HS6ST2: variants seen among roughly 807,000 people sequenced by gnomAD.
HS6ST2 encodes heparan-sulfate 6-O-sulfotransferase 2.
In HS6ST2, 17 loss-of-function variants were observed where a neutral mutation model predicts 33.0. The observed-to-expected ratio is 0.52, with a 90% CI of 0.35 to 0.77. HS6ST2 has a LOEUF of 0.77. Among genes scored for constraint, HS6ST2 ranks in the 30% least tolerant of loss-of-function variants. HS6ST2 has a pLI of 0.01. For synonymous variants in HS6ST2, 248 were observed against 237.1 expected (o/e 1.05, Z -0.42); for missense variants, 519 against 551.7 (o/e 0.94, Z 0.59).
At chrX:132,876,789 A>C (rs1204866920) in intron 2 of HS6ST2, among the ~76,000 whole-genome samples, 1 of 111,597 alleles carries the variant, frequency 9.0e-6, no homozygotes, top group African/African-American at 3.3e-5. Context: ...TGGCAAAGAA[A>C]AATCACACTC....
intron 4 of HS6ST2, among the ~76,000 whole-genome samples, chrX:132,661,978 C>CAA (rs35743008): frequency 7.5e-5 from 8 of 107,265 alleles, no homozygotes; most frequent in South Asian, 4.1e-4. Context: ...AGTCTTATCT[C>CAA]AAAAAAAAGA....
chrX:132,799,793 G>A (rs1191088706), intron 2 of HS6ST2, among the ~76,000 whole-genome samples: 1 of 111,591 alleles, frequency 9.0e-6, no homozygotes, highest in Non-Finnish European at 1.9e-5. Flanking sequence ...AGAATGTGGG[G>A]ATAATATAAT....
At chrX:132,854,723 G>T (rs1476746898) in intron 2 of HS6ST2, among the ~76,000 whole-genome samples, 1 of 112,250 alleles carries the variant, frequency 8.9e-6, no homozygotes, top group Non-Finnish European at 1.9e-5. Flanking sequence ...ACTTTTAAAA[G>T]ATCTTTTAAG....
At position 132,808,996 on chromosome X, in the gene HS6ST2, G is replaced by T. The variant is rs566306856; in HGVS notation, c.948-100502C>A. On this transcript the variant is annotated intron_variant, in intron 2 of 4. Coordinates refer to ENST00000370833, the MANE Select transcript of HS6ST2 (RefSeq NM_001394073.1). The stretch of plus-strand genomic sequence containing the variant: ...GGCATTCATTTTTGTTTGTTTGTTT[G>T]TTTTTTGAGATGGAGTCTCACTCAC... 5.7e-3 allele frequency among the ~76,000 whole-genome samples: 638 copies of T among 111,969 alleles called. 2 individuals are homozygous for T. The highest frequency in any genetic ancestry group is 0.012 in the South Asian group (33 of 2,672).
At chrX:132,784,558 C>T (rs1395393804) in intron 2 of HS6ST2, among the ~76,000 whole-genome samples, 1 of 111,701 alleles carries the variant, frequency 9.0e-6, no homozygotes, top group Admixed American at 9.6e-5. Context: ...GATCTGCCCG[C>T]CTTGGCCTCC....
intron 4 of HS6ST2, among the ~76,000 whole-genome samples, chrX:132,665,751 T>A: frequency 2.1e-5 from 1 of 46,689 alleles, no homozygotes; most frequent in East Asian, 6.2e-4. Flanking sequence ...TGCACTGAAG[T>A]TTTTTTTTTT....
At chrX:132,717,955 T>C (rs1602606208) in intron 2 of HS6ST2, among the ~76,000 whole-genome samples, 1 of 109,762 alleles carries the variant, frequency 9.1e-6, no homozygotes, top group South Asian at 3.9e-4. Context: ...ACCAAAAAAA[T>C]ACCCAGTGCT....
chrX:132,823,750 C>T (rs959613426), intron 2 of HS6ST2, among the ~76,000 whole-genome samples: 11 of 103,108 alleles, frequency 1.1e-4, no homozygotes, highest in Admixed American at 2.1e-4. Context: ...ACTTAGGAGG[C>T]TGAGGCACAA....
chrX:132,887,462 A>G (rs2066263978), intron 2 of HS6ST2, among the ~76,000 whole-genome samples: 1 of 112,458 alleles, frequency 8.9e-6, no homozygotes, highest in Non-Finnish European at 1.9e-5. Flanking sequence ...GAACCACTGT[A>G]CATTCACTAG....
chrX:132,844,107 C>A (rs1333386874), intron 2 of HS6ST2, among the ~76,000 whole-genome samples: 1 of 112,208 alleles, frequency 8.9e-6, no homozygotes, highest in Non-Finnish European at 1.9e-5. Context: ...AATTGTTTAT[C>A]AGAATCCCTG....
chrX:132,886,783 C>T (rs1461542106), intron 2 of HS6ST2, among the ~76,000 whole-genome samples: 2 of 111,206 alleles, frequency 1.8e-5, no homozygotes, highest in Middle Eastern at 4.2e-3. Flanking sequence ...AGCATCAATA[C>T]AATTAATGCT....
rs1569474816 is a variant in HS6ST2, at chrX:132,628,413, T to G, written c.1748A>C (p.Gln583Pro). The change falls in exon 5 of 5, where the codon CAG becomes CCG. Residue 583 changes from glutamine (Q) to proline (P), a missense_variant. Physicochemically the swap from Gln to Pro is moderately conservative, Grantham distance 76. Coordinates refer to ENST00000370833, the MANE Select transcript of HS6ST2 (RefSeq NM_001394073.1). ...CGGATTTGGGTTCTGACTCTGATTC[T>G]GATTCGGATTCTGGCTCTGGCCCTG... ...QGQGQSQNPN[Q>P]NQSQNPNPNA... The G allele has an allele frequency of 5.0e-6, 6 of 1,201,095 alleles. No homozygotes were observed. The highest frequency in any genetic ancestry group is 1.8e-5 in the African/African-American group (1 of 56,797).
chrX:132,750,347 G>GAAAAAA (rs1156312851), intron 2 of HS6ST2, among the ~76,000 whole-genome samples: 1 of 56,399 alleles, frequency 1.8e-5, no homozygotes, highest in Non-Finnish European at 3.3e-5. Flanking sequence ...TGCCCATCAA[G>GAAAAAA]AAAAAAAAAA....
At chrX:132,784,587 G>A (rs1259509056) in intron 2 of HS6ST2, among the ~76,000 whole-genome samples, 1 of 112,020 alleles carries the variant, frequency 8.9e-6, no homozygotes. Flanking sequence ...TGGGATCACA[G>A]GTGTGAGCCT....
At chrX:132,844,146 T>C (rs1053062840) in intron 2 of HS6ST2, among the ~76,000 whole-genome samples, 1 of 111,672 alleles carries the variant, frequency 9.0e-6, no homozygotes, top group African/African-American at 3.3e-5. Flanking sequence ...TCTAGAGAGG[T>C]GGCTTTTAAC....
intron 2 of HS6ST2, among the ~76,000 whole-genome samples, chrX:132,759,976 G>T (rs896271822): frequency 4.5e-5 from 5 of 111,725 alleles, no homozygotes; most frequent in Non-Finnish European, 7.5e-5. Flanking sequence ...TATCCTCAAG[G>T]TCACATGGCT....
intron 4 of HS6ST2, among the ~76,000 whole-genome samples, chrX:132,638,366 A>G (rs2063577946): frequency 9.0e-6 from 1 of 111,213 alleles, no homozygotes; most frequent in Non-Finnish European, 1.9e-5. Context: ...GTAGTCCCCA[A>G]ACAGGAGTTT....
At chrX:132,715,012 A>G (rs2064261340) in intron 2 of HS6ST2, among the ~76,000 whole-genome samples, 1 of 112,325 alleles carries the variant, frequency 8.9e-6, no homozygotes, top group Non-Finnish European at 1.9e-5. Context: ...ATACAGGCAA[A>G]TAAGCCCCTC....
rs191499641 is a variant in HS6ST2, at chrX:132,943,139, G to A, written c.947+13669C>T. On this transcript the variant is annotated intron_variant, in intron 2 of 4. Coordinates refer to ENST00000370833, the MANE Select transcript of HS6ST2 (RefSeq NM_001394073.1). ...GACTTTTATTAAATTTTTAAAAGGT[G>A]TTTTTTTAAAAACAAGCTAATATGT... Among the ~76,000 whole-genome samples, 3 of 111,961 alleles carry A rather than the reference G, an allele frequency of 2.7e-5. No individual in the cohort carries two copies. In the East Asian group the frequency reaches 8.4e-4, roughly 31 times the overall value.
Sources: allele counts gnomAD v4.1 joint callset (sites outside exome capture counted in the v4.1 genomes callset), GRCh38; gene constraint gnomAD v4.1.1; transcripts MANE v1.5; gene names NCBI Gene and HGNC (gene_info 2026-07-23, HGNC 2026-07-21).